The following SLC35D2 variants were observed in gnomAD, a reference collection of about 807,000 sequenced individuals.
SLC35D2 encodes nucleotide sugar transporter SLC35D2.
In SLC35D2, 43 loss-of-function variants were observed where a neutral mutation model predicts 41.8. The ratio of observed to expected loss-of-function variants is 1.03; its 90% confidence interval spans 0.81 to 1.33. The LOEUF (loss-of-function observed/expected upper bound fraction) is 1.33, where lower values mean the gene tolerates loss of function less well. Among genes scored for constraint, SLC35D2 ranks in the 40% most tolerant of loss-of-function variants. SLC35D2 has a pLI of 0.00. For synonymous variants in SLC35D2, 150 were observed against 163.9 expected (o/e 0.92, Z 0.65); for missense variants, 380 against 408.4 (o/e 0.93, Z 0.60).
intron 6 of SLC35D2, among the ~76,000 whole-genome samples, chr9:96,349,633 C>T (rs13297309): frequency 0.026 from 3,983 of 152,240 alleles, 77 homozygotes; most frequent in Middle Eastern, 0.054. Context: ...TCAAGCGATT[C>T]TCCTACCTCA....
intron 1 of SLC35D2, among the ~76,000 whole-genome samples, chr9:96,380,326 G>A (rs1411071809): frequency 6.6e-6 from 1 of 152,158 alleles, no homozygotes; most frequent in Non-Finnish European, 1.5e-5. Flanking sequence ...TTTTGGAGGT[G>A]TTGACTGCCA....
Position 96,320,875 on chromosome 9 carries a change from A to C in SLC35D2, c.*367T>G. The C allele has an allele frequency of 6.1e-6, 1 of 163,298 alleles. No homozygotes were observed. Among genetic ancestry groups the C allele is most frequent in the Non-Finnish European group, 1.3e-5 (1 of 75,608 alleles). The allele number at this position is 163,298 out of a possible 1,614,324, so 10.1% of individuals were successfully genotyped here. A position where few individuals can be genotyped will look rare whatever the true frequency, so the allele number is the denominator to read the frequency against. On this transcript the variant is annotated 3_prime_UTR_variant, in exon 12 of 12. Coordinates refer to ENST00000253270, the MANE Select transcript of SLC35D2 (RefSeq NM_007001.3). ...CTTTGCTTTGGCTGGGACCTTGGGA[A>C]TCACGGCCAAGGTGCTGATCAGAAA...
downstream of SLC35D2, among the ~76,000 whole-genome samples, chr9:96,316,462 G>A (rs1290863294): frequency 2.7e-5 from 4 of 148,080 alleles, no homozygotes; most frequent in East Asian, 2.0e-4. Flanking sequence ...TCCAGCCTGG[G>A]CAAGACAGCA....
In SLC35D2 at chr9:96,383,549, A is replaced by T. The variant is rs765336425; in HGVS notation, c.86T>A (p.Leu29Gln). The change falls in exon 1 of 12, where the codon CTG (leucine) becomes CAG (glutamine). Residue 29 changes from leucine (L) to glutamine (Q), a missense_variant. Transcript: ENST00000253270. The stretch of plus-strand genomic sequence containing the variant: ...GCAGGTCCCGTAGAAGAGCGCCGAC[A>T]GCAGCCGGGCCACCCGCGAGGGCAG... ...ARLPSRVARLLSALFYGTCSF... is the reference protein window; with the variant it reads ...ARLPSRVARLQSALFYGTCSF... The T allele has an allele frequency of 1.5e-5, 23 of 1,506,166 alleles. No homozygotes were observed. The highest frequency in any genetic ancestry group is 2.0e-5 in the Non-Finnish European group (23 of 1,127,036). 93.3% of individuals were successfully genotyped at this position (1,506,166 alleles called of 1,614,324 possible).
intron 1 of SLC35D2, among the ~76,000 whole-genome samples, chr9:96,376,857 G>A (rs578167132): frequency 3.3e-5 from 5 of 151,628 alleles, no homozygotes; most frequent in East Asian, 2.0e-4. Context: ...TGATCCACCC[G>A]CCTCGGCCTC....
At chr9:96,375,643 G>T (rs906706753) in intron 1 of SLC35D2, among the ~76,000 whole-genome samples, 1 of 151,950 alleles carries the variant, frequency 6.6e-6, no homozygotes, top group Non-Finnish European at 1.5e-5. Flanking sequence ...GCTCATTTCT[G>T]TATCCCCAAT....
chr9:96,321,370 A>C, intron 11 of SLC35D2, 29 bp from the exon 12 acceptor site: 1 of 1,529,966 alleles, frequency 6.5e-7, no homozygotes, highest in Non-Finnish European at 9.0e-7. Flanking sequence ...GTGAAAATAA[A>C]TGACTGGGAA....
At chr9:96,318,259 A>G (rs1362017146), downstream of SLC35D2, among the ~76,000 whole-genome samples, 4 of 152,074 alleles carry the variant, frequency 2.6e-5, no homozygotes, top group African/African-American at 9.7e-5. Flanking sequence ...TGGGAGTTCG[A>G]GATCAGCCTG....
At chr9:96,367,270 T>G (rs967296842) in intron 2 of SLC35D2, among the ~76,000 whole-genome samples, 1 of 151,172 alleles carries the variant, frequency 6.6e-6, no homozygotes, top group African/African-American at 2.4e-5. Flanking sequence ...AACGACAGGC[T>G]TTTCCAGATT....
At chr9:96,370,674 T>A (rs909338706) in intron 1 of SLC35D2, among the ~76,000 whole-genome samples, 9 of 151,558 alleles carry the variant, frequency 5.9e-5, no homozygotes, top group Non-Finnish European at 8.8e-5. Flanking sequence ...TAAAAAAAAA[T>A]AAATTTTAAA....
rs773805085 is a variant in SLC35D2 at position 96,345,317 on chromosome 9, T to C, written c.573A>G (p.Lys191=). 1 of 1,605,018 alleles carries C rather than the reference T, an allele frequency of 6.2e-7. No individual in the cohort carries two copies. The highest frequency in any genetic ancestry group is 8.5e-7 in the Non-Finnish European group (1 of 1,174,088). The part of the protein sequence containing the change: ...IFTAANGVYT[K]QKMDPKELGK... The stretch of plus-strand genomic sequence containing the variant: ...CTGGTACCTTTGGGTCCATTTTCTG[T>C]TTGGTATAAACTCCATTTGCTGCTG... The change falls in exon 7 of 12, where the codon AAA becomes AAG. Residue 191 remains lysine (K), a synonymous_variant. Coordinates refer to ENST00000253270, the MANE Select transcript of SLC35D2 (RefSeq NM_007001.3).
chr9:96,334,719 G>A (rs1245348179), intron 9 of SLC35D2, among the ~76,000 whole-genome samples: 4 of 152,030 alleles, frequency 2.6e-5, no homozygotes, highest in Non-Finnish European at 4.4e-5. Context: ...AATGAACATC[G>A]CCTGAAACAA....
chr9:96,368,165 G>A, intron 2 of SLC35D2, 107 bp downstream of exon 2: 1 of 746,354 alleles, frequency 1.3e-6, no homozygotes. Context: ...CTGGTCCTCT[G>A]CCAGCTGAAT....
At chr9:96,383,196 T>G (rs981818737) in intron 1 of SLC35D2, among the ~76,000 whole-genome samples, 7 of 152,034 alleles carry the variant, frequency 4.6e-5, no homozygotes, top group African/African-American at 1.7e-4. Flanking sequence ...GCTCGCTGGG[T>G]GTATGAAAGA....
intron 9 of SLC35D2, among the ~76,000 whole-genome samples, chr9:96,329,541 T>C (rs1216830192): frequency 1.3e-5 from 2 of 152,180 alleles, no homozygotes; most frequent in Non-Finnish European, 2.9e-5. Context: ...ATTTCTTGTA[T>C]TTCTCACCTG....
In SLC35D2 at chr9:96,364,543, G is replaced by A; in HGVS notation, c.200C>T (p.Ala67Val). Residue 67 changes from alanine to valine, a missense_variant, in exon 3 of 12, where the codon GCC becomes GTC. By Grantham distance (64) the Ala-to-Val change is moderately conservative (BLOSUM62 0). Coordinates refer to ENST00000253270, the MANE Select transcript of SLC35D2 (RefSeq NM_007001.3). Reference protein sequence around the residue: ...PIFLGIGQMAATIMILYVSKL... With the variant: ...PIFLGIGQMAVTIMILYVSKL... Reference sequence around the variant, plus strand: ...GGACACATATAGTATCATTATGGTGGCTGCCATCTGAAGAAAAGGGGAGAG... The same window carrying A: ...GGACACATATAGTATCATTATGGTGACTGCCATCTGAAGAAAAGGGGAGAG... 1 of 1,598,082 alleles carries A rather than the reference G, an allele frequency of 6.3e-7. No homozygotes were observed. Among genetic ancestry groups the A allele is most frequent in the African/African-American group, 1.3e-5 (1 of 74,596 alleles).
At chr9:96,318,952 C>T (rs1466242228), downstream of SLC35D2, among the ~76,000 whole-genome samples, 1 of 152,156 alleles carries the variant, frequency 6.6e-6, no homozygotes, top group Non-Finnish European at 1.5e-5. Context: ...TAGAAAACAG[C>T]ATAGCAGGTC....
At position 96,352,087 on chromosome 9, in the gene SLC35D2, T is replaced by G; in HGVS notation, c.370A>C (p.Arg124=). The change falls in exon 5 of 12, where the codon AGG becomes CGG. Residue 124 remains arginine, a synonymous_variant. Coordinates refer to ENST00000253270, the MANE Select transcript of SLC35D2 (RefSeq NM_007001.3). ...AAGGTAAGTGGAATGGTGAATTTCC[T>G]GAGCACGGTGAACATCGGTAGGCTG... is the stretch of plus-strand genomic sequence containing the variant. ...KLSLPMFTVL[R]KFTIPLTLLL... 1.2e-6 allele frequency: 2 copies of G among 1,612,546 alleles called. No individual in the cohort carries two copies. The highest frequency in any genetic ancestry group is 1.7e-6 in the Non-Finnish European group (2 of 1,179,168).
intron 4 of SLC35D2, chr9:96,357,442 G>A (rs1161565412): frequency 6.6e-6 from 1 of 152,116 alleles, no homozygotes; most frequent in Non-Finnish European, 1.5e-5. Context: ...AGGCTGAGGT[G>A]GAGAATCATT....
Sources: allele counts gnomAD v4.1 joint callset (sites outside exome capture counted in the v4.1 genomes callset), GRCh38; gene constraint gnomAD v4.1.1; transcripts MANE v1.5; gene names NCBI Gene and HGNC (gene_info 2026-07-23, HGNC 2026-07-21).